Variants in DNAJB12 observed in about 807,000 individuals in gnomAD.
DNAJB12 encodes the protein dnaJ homolog subfamily B member 12.
A neutral mutation model predicts 40.6 loss-of-function variants in DNAJB12; 14 were observed. The observed-to-expected ratio is 0.34, with a 90% CI of 0.23 to 0.54. DNAJB12 has a LOEUF of 0.54. Among genes scored for constraint, DNAJB12 ranks in the 20% least tolerant of loss-of-function variants. The probability of loss-of-function intolerance (pLI) is 0.92; values close to 1 mark genes in which losing one functional copy is unlikely to be tolerated. For synonymous variants in DNAJB12, 181 were observed against 199.5 expected, an observed-to-expected ratio of 0.91 and a Z score of 0.78; for missense variants, 444 against 501.7, an observed-to-expected ratio of 0.89 and a Z score of 1.10.
rs764965547 is a variant in DNAJB12, at chr10:72,341,109, G to A, written c.519C>T (p.Phe173=). The part of the protein sequence containing the change: ...NPEKRKQYDQ[F]GDDKSQAARH... Reference sequence around the variant, plus strand: ...GGGCCGCCTGGCTCTTGTCATCGCCGAACTGGTCATACTGCTTCCTCTTCT... The same window carrying A: ...GGGCCGCCTGGCTCTTGTCATCGCCAAACTGGTCATACTGCTTCCTCTTCT... The change falls in exon 4 of 9, where the codon TTC becomes TTT. Residue 173 remains phenylalanine (F), a synonymous_variant. Coordinates refer to ENST00000444643, the MANE Select transcript of DNAJB12 (RefSeq NM_017626.7). 8.1e-6 allele frequency: 13 copies of A among 1,614,150 alleles called. No individual in the cohort carries two copies. Among genetic ancestry groups the A allele is most frequent in the East Asian group, 4.5e-5 (2 of 44,882 alleles).
In DNAJB12 at chr10:72,340,881, G is replaced by T; in HGVS notation, c.644-13C>A. The T allele has an allele frequency of 1.9e-6, 3 of 1,613,686 alleles. No homozygotes were observed. Among genetic ancestry groups the T allele is most frequent in the Non-Finnish European group, 2.5e-6 (3 of 1,179,764 alleles). On this transcript the variant is annotated splice_polypyrimidine_tract_variant and intron_variant, in intron 4 of 8. Coordinates refer to ENST00000444643, the MANE Select transcript of DNAJB12 (RefSeq NM_017626.7). The stretch of plus-strand genomic sequence containing the variant: ...ACGTGGACGTTACCTGGGGGTCAGA[G>T]GGGCTGAGTCAGGAGCCAGGTCTGT...
At chr10:72,350,889 C>T (rs1861918811) in intron 1 of DNAJB12, among the ~76,000 whole-genome samples, 1 of 152,144 alleles carries the variant, frequency 6.6e-6, no homozygotes, top group Admixed American at 6.6e-5. Flanking sequence ...AAGGGTACAA[C>T]CCCACCCCGG....
intron 1 of DNAJB12, among the ~76,000 whole-genome samples, chr10:72,350,661 T>C (rs1312976326): frequency 6.6e-6 from 1 of 152,166 alleles, no homozygotes; most frequent in Non-Finnish European, 1.5e-5. Flanking sequence ...GTACCTACGG[T>C]GCTCACAGTG....
At chr10:72,347,181 G>A (rs555192990) in intron 1 of DNAJB12, among the ~76,000 whole-genome samples, 101 of 152,108 alleles carry the variant, frequency 6.6e-4, no homozygotes, top group African/African-American at 2.2e-3. Context: ...GGCTGGTTTC[G>A]AACTCCTGAC....
chr10:72,345,278 C>T lies in DNAJB12; in HGVS notation c.134-151G>A. ...CTGTGGGTGCTGGGGGGACAGTCATCTGCTCTCTTGAAAGCCATAGTCCTT... is the reference window on the plus strand; with the variant it reads ...CTGTGGGTGCTGGGGGGACAGTCATTTGCTCTCTTGAAAGCCATAGTCCTT... On this transcript the variant is annotated intron_variant, in intron 1 of 8. Coordinates refer to ENST00000444643, the MANE Select transcript of DNAJB12 (RefSeq NM_017626.7). 6 of 885,130 alleles carry T rather than the reference C, an allele frequency of 6.8e-6. No individual in the cohort carries two copies. The South Asian group carries it at 8.5e-5, about 13-fold the overall frequency. 54.8% of individuals were successfully genotyped at this position (885,130 alleles called of 1,614,324 possible).
Position 72,335,681 on chromosome 10 carries a change from A to G in DNAJB12, c.*30+99T>C, listed in dbSNP as rs1861450716. 1 of 1,480,492 alleles carries G rather than the reference A, an allele frequency of 6.8e-7. No homozygotes were observed. Among genetic ancestry groups the G allele is most frequent in the Admixed American group, 2.3e-5 (1 of 43,630 alleles). 91.7% of individuals were successfully genotyped at this position (1,480,492 alleles called of 1,614,324 possible). A position where few individuals can be genotyped will look rare whatever the true frequency, so the allele number is the denominator to read the frequency against. On this transcript the variant is annotated intron_variant, in intron 8 of 8. Coordinates refer to ENST00000444643, the MANE Select transcript of DNAJB12 (RefSeq NM_017626.7). This position sits in a 1 kb window ranked among gnomAD's most constrained non-coding sequence, Gnocchi z 4.4. ...GGCTGGGGACAGGAGTCTTTGCCAC[A>G]ATCACCAGGCTTCCTCCCTTTCTCC...
intron 1 of DNAJB12, among the ~76,000 whole-genome samples, chr10:72,349,725 A>G (rs1861888183): frequency 1.3e-5 from 2 of 152,184 alleles, no homozygotes; most frequent in Admixed American, 6.5e-5. Flanking sequence ...AAGATTCTGG[A>G]AGCTTTTCAG....
intron 7 of DNAJB12, among the ~76,000 whole-genome samples, chr10:72,336,164 G>A (rs1325796192): frequency 1.3e-5 from 2 of 152,320 alleles, no homozygotes; most frequent in African/African-American, 2.4e-5. Flanking sequence ...GTGAGACCCT[G>A]TCATCCTGGT....
chr10:72,338,428 G>A (rs777772161), intron 5 of DNAJB12, 117 bp from the exon 6 acceptor site: 7 of 784,456 alleles, frequency 8.9e-6, no homozygotes, highest in South Asian at 1.6e-5. Flanking sequence ...CCACTCTGCC[G>A]TTCCCTCCAC....
rs1861356997 is a variant in DNAJB12, at chr10:72,332,959, C to G, written c.*1689G>C. 1 of 152,654 alleles carries G rather than the reference C, an allele frequency of 6.6e-6. No individual in the cohort carries two copies. The highest frequency in any genetic ancestry group is 2.4e-5 in the African/African-American group (1 of 41,452). The allele number at this position is 152,654 out of a possible 1,614,324, so 9.5% of individuals were successfully genotyped here. A position where few individuals can be genotyped will look rare whatever the true frequency, so the allele number is the denominator to read the frequency against. On this transcript the variant is annotated 3_prime_UTR_variant, in exon 9 of 9. Transcript: ENST00000444643. ...CATGGCTCAGCCCGTCTAGGGACATCTACCAAGACCAGATGGTCGGGGCGT... is the reference window on the plus strand; with the variant it reads ...CATGGCTCAGCCCGTCTAGGGACATGTACCAAGACCAGATGGTCGGGGCGT...
intron 1 of DNAJB12, among the ~76,000 whole-genome samples, chr10:72,350,398 C>CA (rs35316232): frequency 0.057 from 1,588 of 27,730 alleles, 187 homozygotes; most frequent in Non-Finnish European, 0.078. Flanking sequence ...GACCCTGTCT[C>CA]AAAAAAAAAA....
In DNAJB12 at chr10:72,335,943, T is replaced by TG; in HGVS notation, c.1007-13dup. On this transcript the variant is annotated splice_polypyrimidine_tract_variant and intron_variant, in intron 7 of 8. Coordinates refer to ENST00000444643, the MANE Select transcript of DNAJB12 (RefSeq NM_017626.7). The surrounding 1 kb of genome is among the most constrained non-coding windows in gnomAD (Gnocchi z 4.4). ...CAGCAAGCCTTCCTCTGCAAAGCAA[T>TG]GGGACAGGGTTAGTGCACACCCAGT... 3 of 1,613,918 alleles carry TG rather than the reference T, an allele frequency of 1.9e-6. No individual in the cohort carries two copies. Among genetic ancestry groups the TG allele is most frequent in the Non-Finnish European group, 2.5e-6 (3 of 1,179,886 alleles).
At chr10:72,350,445 A>C (rs1763394042) in intron 1 of DNAJB12, among the ~76,000 whole-genome samples, 1 of 151,394 alleles carries the variant, frequency 6.6e-6, no homozygotes, top group East Asian at 1.9e-4. Context: ...CGATGGGTTC[A>C]AACCTAGCTC....
chr10:72,338,002 G>C (rs1861526371), intron 6 of DNAJB12, among the ~76,000 whole-genome samples, 200 bp downstream of exon 6: 1 of 152,190 alleles, frequency 6.6e-6, no homozygotes, highest in African/African-American at 2.4e-5. Context: ...AGCTCTCGCT[G>C]CAATTTCTTA....
chr10:72,336,025 GTA>G (rs1461320594), intron 7 of DNAJB12, 94 bp from the exon 8 acceptor site: 4 of 1,512,660 alleles, frequency 2.6e-6, no homozygotes, highest in Non-Finnish European at 3.6e-6. Context: ...AGGAAAGCTG[GTA>G]CATGCCCGGG....
chr10:72,337,336 C>T (rs1030090387), intron 6 of DNAJB12, among the ~76,000 whole-genome samples: 1 of 152,226 alleles, frequency 6.6e-6, no homozygotes, highest in Non-Finnish European at 1.5e-5. Flanking sequence ...ACTCTGCCCC[C>T]TGCTGGCTGA....
intron 3 of DNAJB12, among the ~76,000 whole-genome samples, 190 bp downstream of exon 3, chr10:72,343,176 C>T (rs1861684424): frequency 6.6e-6 from 1 of 152,210 alleles, no homozygotes; most frequent in Non-Finnish European, 1.5e-5. Context: ...GAGCTCTGAC[C>T]AACTCTACAT....
At chr10:72,337,191 C>T (rs1310384787) in intron 6 of DNAJB12, among the ~76,000 whole-genome samples, 4 of 152,222 alleles carry the variant, frequency 2.6e-5, no homozygotes, top group Non-Finnish European at 4.4e-5. Context: ...GCCTTGACAC[C>T]CAGACAGGAC....
At chr10:72,345,741 A>G (rs1399305562) in intron 1 of DNAJB12, among the ~76,000 whole-genome samples, 1 of 151,548 alleles carries the variant, frequency 6.6e-6, no homozygotes, top group African/African-American at 2.4e-5. Flanking sequence ...CCCAAAAGAC[A>G]TTTAGCTGGA....
Sources: allele counts gnomAD v4.1 joint callset (sites outside exome capture counted in the v4.1 genomes callset), GRCh38; gene constraint gnomAD v4.1.1; non-coding constraint Gnocchi (gnomAD v3.1); transcripts MANE v1.5; gene names NCBI Gene and HGNC (gene_info 2026-07-23, HGNC 2026-07-21).